The following NLGN1 variants were observed in gnomAD, a reference collection of about 807,000 sequenced individuals.
NLGN1 encodes neuroligin-1.
NLGN1 carries 12 observed loss-of-function variants against 65.5 expected under a neutral mutation model. The observed-to-expected ratio is 0.18, with a 90% CI of 0.12 to 0.30. NLGN1 has a LOEUF of 0.30. Ranked by LOEUF, NLGN1 falls within the 10% of genes least tolerant of loss-of-function variation. The pLI is 1.00. For synonymous variants in NLGN1, 350 were observed against 359.5 expected, an observed-to-expected ratio of 0.97 and a Z score of 0.30; for missense variants, 750 against 1,007.1, an observed-to-expected ratio of 0.74 and a Z score of 3.46.
chr3:173,729,787 T>C (rs1279294418), intron 3 of NLGN1, among the ~76,000 whole-genome samples: 1 of 152,100 alleles, frequency 6.6e-6, no homozygotes, highest in Admixed American at 6.6e-5. Context: ...ACAATATAAA[T>C]GTGTATGTGG....
chr3:173,605,194 T>G, intron 3 of NLGN1, 103 bp downstream of exon 2: 5 of 951,828 alleles, frequency 5.3e-6, no homozygotes, highest in Non-Finnish European at 7.6e-6. Flanking sequence ...GCATGGCTTT[T>G]CCTGTTGGCA....
chr3:173,438,570 T>C (rs1249284787), intron 2 of NLGN1, among the ~76,000 whole-genome samples: 1 of 152,156 alleles, frequency 6.6e-6, no homozygotes, highest in African/African-American at 2.4e-5. Flanking sequence ...TTGATACCTG[T>C]TATAATTATG....
chr3:173,725,786 T>G (rs1440010033), intron 3 of NLGN1, among the ~76,000 whole-genome samples: 2 of 152,108 alleles, frequency 1.3e-5, no homozygotes, highest in Non-Finnish European at 2.9e-5. Flanking sequence ...GGGGGAAAGA[T>G]CCACTTCAAA....
intron 4 of NLGN1, among the ~76,000 whole-genome samples, chr3:173,865,992 TTAAC>T (rs888125735): frequency 6.6e-6 from 1 of 152,082 alleles, no homozygotes; most frequent in African/African-American, 2.4e-5. Flanking sequence ...GGCTTCCTCT[TTAAC>T]TAAACTCTAC....
intron 4 of NLGN1, among the ~76,000 whole-genome samples, chr3:174,081,599 T>G (rs1244863392): frequency 9.2e-5 from 3 of 32,734 alleles, no homozygotes; most frequent in Non-Finnish European, 1.4e-4. Context: ...ATTAGGTTGT[T>G]TTTTTTTTTT....
At chr3:173,836,520 A>G (rs909349485) in intron 4 of NLGN1, among the ~76,000 whole-genome samples, 1 of 152,176 alleles carries the variant, frequency 6.6e-6, no homozygotes, top group Non-Finnish European at 1.5e-5. Flanking sequence ...AAATCCTCAT[A>G]ATATGCTCTC....
At chr3:173,993,268 T>C (rs537129755) in intron 4 of NLGN1, among the ~76,000 whole-genome samples, 20 of 152,298 alleles carry the variant, frequency 1.3e-4, no homozygotes, top group South Asian at 4.1e-4. Context: ...CAATGCCTCA[T>C]GGGTTTATTT....
intron 4 of NLGN1, among the ~76,000 whole-genome samples, chr3:174,125,886 T>C (rs10936777): frequency 0.13 from 20,094 of 152,014 alleles, 1,505 homozygotes; most frequent in African/African-American, 0.2. Context: ...TACTATGCGG[T>C]TAAGTCATAA....
At chr3:174,276,928 A>G (rs1265211087) in intron 5 of NLGN1, among the ~76,000 whole-genome samples, 4 of 151,858 alleles carry the variant, frequency 2.6e-5, no homozygotes, top group Non-Finnish European at 4.4e-5. Context: ...TAGGTTTCTC[A>G]GGGTCGCTTG....
intron 2 of NLGN1, among the ~76,000 whole-genome samples, chr3:173,510,890 G>T (rs1732834756): frequency 6.6e-6 from 1 of 152,028 alleles, no homozygotes; most frequent in Non-Finnish European, 1.5e-5. Flanking sequence ...GTTACTACTT[G>T]GTATATGATA....
At chr3:173,587,215 A>G (rs1169634097) in intron 2 of NLGN1, among the ~76,000 whole-genome samples, 1 of 152,200 alleles carries the variant, frequency 6.6e-6, no homozygotes, top group Non-Finnish European at 1.5e-5. Context: ...GTCAGAATAA[A>G]CAATACTTTC....
intron 1 of NLGN1, among the ~76,000 whole-genome samples, chr3:173,433,356 C>T (rs1285459341): frequency 2.0e-5 from 3 of 152,116 alleles, no homozygotes; most frequent in African/African-American, 7.2e-5. Context: ...CCACAGTGTT[C>T]CCTCCCTGTC....
intron 2 of NLGN1, among the ~76,000 whole-genome samples, chr3:173,461,615 C>T (rs1187341185): frequency 6.6e-6 from 1 of 152,082 alleles, no homozygotes; most frequent in South Asian, 2.1e-4. Flanking sequence ...ATACCACTAA[C>T]TTTCAACTTC....
intron 1 of NLGN1, among the ~76,000 whole-genome samples, chr3:173,421,301 T>C (rs1423682095): frequency 6.6e-6 from 1 of 151,940 alleles, no homozygotes; most frequent in African/African-American, 2.4e-5. Flanking sequence ...TTTAAAGCCA[T>C]TTAAAAGTAA....
intron 3 of NLGN1, among the ~76,000 whole-genome samples, chr3:173,791,643 G>T (rs1406264626): frequency 6.6e-6 from 1 of 151,016 alleles, no homozygotes; most frequent in African/African-American, 2.4e-5. Context: ...GTTGTAATAT[G>T]ATTATTAAAA....
At chr3:173,822,752 C>A (rs1303706523) in intron 4 of NLGN1, among the ~76,000 whole-genome samples, 4 of 151,990 alleles carry the variant, frequency 2.6e-5, no homozygotes, top group Non-Finnish European at 5.9e-5. Context: ...TTGCCAAGTT[C>A]ATCAGCTATC....
At chr3:173,686,454 C>A (rs913132989) in intron 3 of NLGN1, among the ~76,000 whole-genome samples, 1 of 151,956 alleles carries the variant, frequency 6.6e-6, no homozygotes, top group Admixed American at 6.6e-5. Context: ...CTGGGACTGA[C>A]TCTAATGGGA....
chr3:173,549,740 C>G (rs913839475), intron 2 of NLGN1, among the ~76,000 whole-genome samples: 1 of 151,934 alleles, frequency 6.6e-6, no homozygotes, highest in Non-Finnish European at 1.5e-5. Flanking sequence ...ATTTCTGAAC[C>G]AAATTTAGAT....
chr3:174,103,107 C>G (rs1712917535), intron 4 of NLGN1, among the ~76,000 whole-genome samples: 1 of 152,174 alleles, frequency 6.6e-6, no homozygotes, highest in African/African-American at 2.4e-5. Context: ...TGCAGTTGTA[C>G]TTGTAACTTC....
Sources: allele counts gnomAD v4.1 joint callset (sites outside exome capture counted in the v4.1 genomes callset), GRCh38; gene constraint gnomAD v4.1.1; transcripts MANE v1.5; gene names NCBI Gene and HGNC (gene_info 2026-07-23, HGNC 2026-07-21).